Variants in DLGAP2 observed in about 807,000 individuals in gnomAD.
DLGAP2 encodes DLG associated protein 2.
Under a neutral mutation model 100.3 loss-of-function variants are expected in DLGAP2, and 26 were observed. That is an observed-to-expected ratio of 0.26 (90% confidence interval 0.19 to 0.36). DLGAP2 has a LOEUF of 0.36. Among genes scored for constraint, DLGAP2 ranks in the 10% least tolerant of loss-of-function variants. DLGAP2 has a pLI of 1.00. For missense variants in DLGAP2, 1,858 were observed against 1,453.2 expected, an observed-to-expected ratio of 1.28 and a Z score of -4.53; for synonymous variants, 886 against 630.1, an observed-to-expected ratio of 1.41 and a Z score of -6.08.
intron 3 of DLGAP2, among the ~76,000 whole-genome samples, chr8:1,321,812 C>T (rs767463332): frequency 2.0e-5 from 3 of 152,086 alleles, no homozygotes; most frequent in Admixed American, 6.5e-5. Context: ...AAAGAATGTG[C>T]TTGGTGATTA....
intron 3 of DLGAP2, among the ~76,000 whole-genome samples, chr8:1,449,212 C>G (rs900266345): frequency 6.6e-6 from 1 of 152,226 alleles, no homozygotes; most frequent in African/African-American, 2.4e-5. Flanking sequence ...CCAGCTGAGC[C>G]TCCTATTGCC....
At chr8:953,999 A>T (rs1799540606) in intron 2 of DLGAP2, among the ~76,000 whole-genome samples, 1 of 152,154 alleles carries the variant, frequency 6.6e-6, no homozygotes, top group African/African-American at 2.4e-5. Context: ...GGCTGTGTTG[A>T]CTTCTTTGGA....
chr8:858,546 C>T lies in DLGAP2; in HGVS notation c.19-49366C>T, dbSNP rs184282234. Among the ~76,000 whole-genome samples, 325 of 140,156 alleles carry T rather than the reference C, an allele frequency of 2.3e-3. 1 individual carries two copies. The highest frequency in any genetic ancestry group is 7.3e-3 in the African/African-American group (268 of 36,864). 91.9% of individuals were successfully genotyped at this position (140,156 alleles called of 152,430 possible). The stretch of plus-strand genomic sequence containing the variant: ...CCGTGGGCACGTGTAATGCTGTCAC[C>T]GTGGGCACATGTGTGATGCTGTCAC... On this transcript the variant is annotated intron_variant, in intron 1 of 14. Transcript: ENST00000637795.
At chr8:1,123,378 G>T (rs555019028) in intron 2 of DLGAP2, among the ~76,000 whole-genome samples, 1 of 152,212 alleles carries the variant, frequency 6.6e-6, no homozygotes, top group South Asian at 2.1e-4. Flanking sequence ...CTGAGGCTTA[G>T]TAGGTACAGC....
At chr8:1,039,333 T>G (rs1341204395) in intron 2 of DLGAP2, among the ~76,000 whole-genome samples, 9 of 147,844 alleles carry the variant, frequency 6.1e-5, no homozygotes. Context: ...GTCAGCTTGG[T>G]GTGCGTGGTC....
At chr8:1,051,333 G>T (rs1802704473) in intron 2 of DLGAP2, among the ~76,000 whole-genome samples, 1 of 152,116 alleles carries the variant, frequency 6.6e-6, no homozygotes, top group South Asian at 2.1e-4. Flanking sequence ...TGTTGTCTCA[G>T]ATCCAGCTGC....
At chr8:895,200 T>C (rs938689151) in intron 1 of DLGAP2, among the ~76,000 whole-genome samples, 1 of 151,988 alleles carries the variant, frequency 6.6e-6, no homozygotes, top group African/African-American at 2.4e-5. Context: ...GGTAAATCCT[T>C]GAGGTGATGG....
chr8:1,340,700 C>A (rs1473491112), intron 3 of DLGAP2, among the ~76,000 whole-genome samples: 1 of 152,148 alleles, frequency 6.6e-6, no homozygotes, highest in East Asian at 1.9e-4. Context: ...AGACAAACAC[C>A]ATTGGACTCA....
chr8:1,296,155 C>G (rs769783078), intron 3 of DLGAP2: 1 of 152,060 alleles, frequency 6.6e-6, no homozygotes, highest in South Asian at 2.1e-4. Flanking sequence ...GGATGAAATG[C>G]GGCCCCCGGG....
At chr8:1,013,468 G>C (rs537970022) in intron 2 of DLGAP2, among the ~76,000 whole-genome samples, 1 of 152,266 alleles carries the variant, frequency 6.6e-6, no homozygotes, top group East Asian at 1.9e-4. Context: ...GGAGGCAGAT[G>C]AGCCAGCCTT....
intron 3 of DLGAP2, among the ~76,000 whole-genome samples, chr8:1,348,126 G>A (rs867766187): frequency 3.3e-5 from 5 of 152,032 alleles, no homozygotes; most frequent in African/African-American, 1.2e-4. Flanking sequence ...CGTGTTAGCT[G>A]TGTGGAGGTT....
At chr8:1,332,991 C>T (rs751886089) in intron 3 of DLGAP2, among the ~76,000 whole-genome samples, 5 of 152,186 alleles carry the variant, frequency 3.3e-5, no homozygotes, top group Non-Finnish European at 5.9e-5. Flanking sequence ...GTCAGGCCCC[C>T]CTTCCTCGAA....
chr8:1,095,001 G>C (rs780214337), intron 2 of DLGAP2, among the ~76,000 whole-genome samples: 5 of 152,152 alleles, frequency 3.3e-5, no homozygotes, highest in Non-Finnish European at 7.3e-5. Flanking sequence ...GCCTGCTCCA[G>C]GTGGACCACC....
chr8:1,545,996 A>C (rs960169854), intron 4 of DLGAP2, among the ~76,000 whole-genome samples: 11 of 152,248 alleles, frequency 7.2e-5, no homozygotes, highest in African/African-American at 2.2e-4. Flanking sequence ...TGACAACTTT[A>C]TGCAGCTGTA....
chr8:1,501,493 C>T, intron 4 of DLGAP2, 62 bp downstream of exon 4: 1 of 1,472,954 alleles, frequency 6.8e-7, no homozygotes, highest in South Asian at 1.2e-5. Context: ...ATGCTCCGGG[C>T]ACCTCCCATC....
intron 1 of DLGAP2, among the ~76,000 whole-genome samples, chr8:755,622 G>C (rs916420722): frequency 2.6e-5 from 4 of 152,194 alleles, no homozygotes; most frequent in African/African-American, 4.8e-5. Context: ...GCAGGTGGGG[G>C]TGAATGTATT....
At chr8:868,845 G>A (rs1797546619) in intron 1 of DLGAP2, among the ~76,000 whole-genome samples, 3 of 152,234 alleles carry the variant, frequency 2.0e-5, no homozygotes, top group Non-Finnish European at 4.4e-5. Flanking sequence ...GGACGCGTCA[G>A]GCAGCCCAGA....
chr8:1,065,326 A>G (rs1208290239), intron 2 of DLGAP2, among the ~76,000 whole-genome samples: 2 of 152,238 alleles, frequency 1.3e-5, no homozygotes, highest in South Asian at 2.1e-4. Context: ...CATTTTTCAT[A>G]TGACTAGCAT....
chr8:1,418,110 A>G (rs1279857649), intron 3 of DLGAP2, among the ~76,000 whole-genome samples: 1 of 152,208 alleles, frequency 6.6e-6, no homozygotes, highest in Admixed American at 6.5e-5. Flanking sequence ...CCTCCACCAA[A>G]TAAAAGATCT....
Sources: allele counts gnomAD v4.1 joint callset (sites outside exome capture counted in the v4.1 genomes callset), GRCh38; gene constraint gnomAD v4.1.1; transcripts MANE v1.5; gene names NCBI Gene and HGNC (gene_info 2026-07-23, HGNC 2026-07-21).